The following MYO9A variants were observed in gnomAD, a reference collection of about 807,000 sequenced individuals.
MYO9A encodes the protein myosin IXA.
In MYO9A, 103 loss-of-function variants were observed where a neutral mutation model predicts 293.3. The ratio of observed to expected loss-of-function variants is 0.35; its 90% CI spans 0.30 to 0.41. The LOEUF is 0.41. Among genes scored for constraint, MYO9A ranks in the 10% least tolerant of loss-of-function variants. The probability of loss-of-function intolerance (pLI) is 1.00; values close to 1 mark genes in which losing one functional copy is unlikely to be tolerated. For missense variants in MYO9A, 2,685 were observed against 3,033.0 expected, an observed-to-expected ratio of 0.89 and a Z score of 2.69; for synonymous variants, 1,001 against 1,035.7, an observed-to-expected ratio of 0.97 and a Z score of 0.64.
At chr15:71,958,770 A>G (rs921375132) in intron 14 of MYO9A, 2 of 152,254 alleles carry the variant, frequency 1.3e-5, no homozygotes, top group Non-Finnish European at 2.9e-5. Flanking sequence ...TCTAGACTTT[A>G]TCAAGGTAGA....
chr15:71,846,323 C>T (rs2055385026), intron 39 of MYO9A, among the ~76,000 whole-genome samples: 1 of 152,110 alleles, frequency 6.6e-6, no homozygotes, highest in Non-Finnish European at 1.5e-5. Flanking sequence ...ATTCTGCCTC[C>T]CCTATCACTC....
Position 71,935,372 on chromosome 15 carries a change from T to C in MYO9A, c.2491A>G (p.Lys831Glu). The C allele has an allele frequency of 6.2e-7, 1 of 1,613,646 alleles. No homozygotes were observed. The highest frequency in any genetic ancestry group is 8.5e-7 in the Non-Finnish European group (1 of 1,179,668). The change falls in exon 17 of 42, where the codon AAA (lysine) becomes GAA (glutamate). Residue 831 changes from lysine (K) to glutamate (E), a missense_variant. This residue lies in a region of MYO9A where 1,434 missense variants were observed against 1,497.7 expected (regional missense o/e 0.96). Coordinates refer to ENST00000356056, the MANE Select transcript of MYO9A (RefSeq NM_006901.4). ...DGIFANSTSS[K>E]LLERAHGILT... ...ATTCCATGGGCTCTCTCCAGGAGTT[T>C]GCTGCTAGTTGAATTAGCAAATATT...
At chr15:72,065,741 A>G (rs1234098744) in intron 1 of MYO9A, among the ~76,000 whole-genome samples, 1 of 152,140 alleles carries the variant, frequency 6.6e-6, no homozygotes, top group African/African-American at 2.4e-5. Flanking sequence ...TTTTTGTAAA[A>G]ACAGCTAAAA....
rs935388532 is a variant in MYO9A, at chr15:71,908,792, G to A, written c.2686-3786C>T. On this transcript the variant is annotated intron_variant, in intron 19 of 41. Coordinates refer to ENST00000356056, the MANE Select transcript of MYO9A (RefSeq NM_006901.4). ...TAACTACAGTCCATAATATGCATTA[G>A]GGTTCACTCTTTATGTTGCACATTC... is the stretch of plus-strand genomic sequence containing the variant. Among the ~76,000 whole-genome samples, 3 of 152,042 alleles carry A rather than the reference G, an allele frequency of 2.0e-5. No individual in the cohort carries two copies. The East Asian group carries it at 5.8e-4, about 29-fold the overall frequency.
chr15:71,978,377 C>T, intron 11 of MYO9A, 85 bp from the exon 12 acceptor site: 1 of 1,099,956 alleles, frequency 9.1e-7, no homozygotes. Flanking sequence ...TTTTACCCTG[C>T]TTAAAATTCT....
chr15:72,106,535 T>C (rs1025015003), intron 1 of MYO9A, among the ~76,000 whole-genome samples: 1 of 152,200 alleles, frequency 6.6e-6, no homozygotes, highest in Non-Finnish European at 1.5e-5. Context: ...AAATCCTTTT[T>C]TTATATGGTT....
intron 9 of MYO9A, among the ~76,000 whole-genome samples, chr15:71,999,260 T>G (rs1225385543): frequency 6.6e-6 from 1 of 151,864 alleles, no homozygotes; most frequent in African/African-American, 2.4e-5. Context: ...TTCAATAATT[T>G]TCCTGCCCCT....
intron 1 of MYO9A, among the ~76,000 whole-genome samples, chr15:72,088,609 T>C (rs1339170393): frequency 2.6e-5 from 4 of 152,330 alleles, no homozygotes; most frequent in African/African-American, 7.2e-5. Flanking sequence ...AGCTGCTTCA[T>C]GTATACTTCT....
intron 39 of MYO9A, among the ~76,000 whole-genome samples, chr15:71,833,649 AG>A (rs1318373088): frequency 6.6e-6 from 1 of 152,164 alleles, no homozygotes; most frequent in Non-Finnish European, 1.5e-5. Flanking sequence ...AAGCGCACAC[AG>A]CAAGACAACA....
In MYO9A at chr15:71,852,060, T is replaced by C. The variant is rs549221373; in HGVS notation, c.6475+72A>G. On this transcript the variant is annotated intron_variant, in intron 36 of 41. Coordinates refer to ENST00000356056, the MANE Select transcript of MYO9A (RefSeq NM_006901.4). ...ATTAAACCACTAGAGGATGGCTTGA[T>C]AATCTATACTCAAGATGGCATTTCT... 18 of 1,444,960 alleles carry C rather than the reference T, an allele frequency of 1.2e-5. No homozygotes were observed. The East Asian group carries it at 3.5e-4, about 28-fold the overall frequency. The allele number at this position is 1,444,960 out of a possible 1,614,324, so 89.5% of individuals were successfully genotyped here. A position where few individuals can be genotyped will look rare whatever the true frequency, so the allele number is the denominator to read the frequency against.
Position 71,826,793 on chromosome 15 carries a change from G to T in MYO9A, c.7434C>A (p.Thr2478=), listed in dbSNP as rs2054522081. Residue 2478 remains threonine (T), a synonymous_variant, in exon 42 of 42, where the codon ACC becomes ACA. Coordinates refer to ENST00000356056, the MANE Select transcript of MYO9A (RefSeq NM_006901.4). ...ALGMEGPLGQ[T]KFLEDKPQFI... is the part of the protein sequence containing the mutation. Reference sequence around the variant, plus strand: ...ACTGAGGCTTGTCTTCCAGGAATTTGGTCTGGCCCAATGGTCCTTCCATTC... The same window carrying T: ...ACTGAGGCTTGTCTTCCAGGAATTTTGTCTGGCCCAATGGTCCTTCCATTC... The T allele has an allele frequency of 1.2e-6, 2 of 1,614,132 alleles. No homozygotes were observed. The highest frequency in any genetic ancestry group is 1.7e-6 in the Non-Finnish European group (2 of 1,179,994).
At chr15:71,852,308 G>T (rs539093549) in intron 35 of MYO9A, 48 bp from the exon 36 acceptor site, 1 of 1,467,646 alleles carries the variant, frequency 6.8e-7, no homozygotes, top group Non-Finnish European at 9.3e-7. Context: ...CATGCAAAGA[G>T]ATTCAAATAA....
intron 32 of MYO9A, among the ~76,000 whole-genome samples, chr15:71,866,918 G>A (rs1264055880): frequency 2.0e-5 from 3 of 151,976 alleles, no homozygotes; most frequent in Non-Finnish European, 2.9e-5. Flanking sequence ...TTAGCCAGGC[G>A]TGGTGGCGCA....
intron 1 of MYO9A, among the ~76,000 whole-genome samples, chr15:72,086,954 C>T (rs566251022): frequency 1.1e-3 from 164 of 152,120 alleles, no homozygotes; most frequent in African/African-American, 3.7e-3. Context: ...TTAGTACAGA[C>T]GGGATTTCTT....
chr15:71,861,688 A>AAAAAAC (rs2056134720), intron 33 of MYO9A, among the ~76,000 whole-genome samples: 1 of 145,766 alleles, frequency 6.9e-6, no homozygotes, highest in African/African-American at 2.5e-5. Context: ...ATAAAAAAAA[A>AAAAAAC]AAAAAAAAAA....
At chr15:71,999,530 G>T (rs369270004) in intron 9 of MYO9A, among the ~76,000 whole-genome samples, 1 of 152,104 alleles carries the variant, frequency 6.6e-6, no homozygotes, top group East Asian at 1.9e-4. Context: ...GTCTCAAGAA[G>T]AATAATTAAT....
intron 30 of MYO9A, among the ~76,000 whole-genome samples, chr15:71,879,292 T>C (rs1006811816): frequency 1.3e-5 from 2 of 152,198 alleles, no homozygotes; most frequent in African/African-American, 4.8e-5. Flanking sequence ...TAAACTGATA[T>C]GTAGAAATCA....
chr15:71,998,565 C>CTTTTTTTTTTTTTTTTTTTTTT (rs11443228), intron 9 of MYO9A, among the ~76,000 whole-genome samples: 3 of 140,080 alleles, frequency 2.1e-5, no homozygotes, highest in Non-Finnish European at 4.6e-5. Context: ...TTTTTTTTGT[C>CTTTTTTTTTTTTTTTTTTTTTT]TTTTTTTTTC....
chr15:71,854,466 A>T lies in MYO9A; in HGVS notation c.6257T>A (p.Ile2086Asn), dbSNP rs757005328. 6.2e-7 allele frequency: 1 copy of T among 1,613,636 alleles called. No homozygotes were observed. Among genetic ancestry groups the T allele is most frequent in the Non-Finnish European group, 8.5e-7 (1 of 1,179,804 alleles). The part of the protein sequence containing the change: ...PLVVEKLINY[I>N]EMHGLYTEGI... ...TTCTGTATACAGTCCATGCATTTCA[A>T]TGTAGTTTATGAGCTTTTCCACTAC... The change falls in exon 35 of 42, where the codon ATT (isoleucine) becomes AAT (asparagine). Residue 2086 changes from isoleucine to asparagine, a missense_variant. Coordinates refer to ENST00000356056, the MANE Select transcript of MYO9A (RefSeq NM_006901.4).
Sources: allele counts gnomAD v4.1 joint callset (sites outside exome capture counted in the v4.1 genomes callset), GRCh38; gene constraint gnomAD v4.1.1; regional missense constraint gnomAD v4.1.1; transcripts MANE v1.5; gene names NCBI Gene and HGNC (gene_info 2026-07-23, HGNC 2026-07-21).